RAD54L2: variants seen among roughly 807,000 people sequenced by gnomAD.
The protein encoded by RAD54L2 is RAD54 like 2.
A neutral mutation model predicts 138.4 loss-of-function variants in RAD54L2; 27 were observed. The ratio of observed to expected loss-of-function variants is 0.20; its 90% CI spans 0.14 to 0.27. The LOEUF (loss-of-function observed/expected upper bound fraction) is 0.27, where lower values mean the gene tolerates loss of function less well. Among genes scored for constraint, RAD54L2 ranks in the 10% least tolerant of loss-of-function variants. RAD54L2 has a pLI of 1.00. For synonymous variants in RAD54L2, 644 were observed against 723.2 expected (o/e 0.89, Z 1.76); for missense variants, 1,396 against 1,890.2 (o/e 0.74, Z 4.85).
At chr3:51,577,182 T>C (rs1699499691) in intron 2 of RAD54L2, among the ~76,000 whole-genome samples, 1 of 152,246 alleles carries the variant, frequency 6.6e-6, no homozygotes, top group South Asian at 2.1e-4. Flanking sequence ...TCCTGAGTTC[T>C]AATTTGATTG....
intron 16 of RAD54L2, 78 bp downstream of exon 16, chr3:51,644,052 A>C: frequency 9.6e-6 from 11 of 1,145,686 alleles, no homozygotes; most frequent in Non-Finnish European, 1.4e-5. Context: ...CCAAAACTCC[A>C]AGTTCCCTCA....
chr3:51,642,975 C>G (rs1577453764), intron 15 of RAD54L2, among the ~76,000 whole-genome samples: 1 of 151,542 alleles, frequency 6.6e-6, no homozygotes, highest in African/African-American at 2.4e-5. Flanking sequence ...CTTAGCTTTA[C>G]CATTTACTCA....
rs561231744 is a variant in RAD54L2 at position 51,635,365 on chromosome 3, A to G, written c.1143-228A>G. ...GTTTCTTGCTGTTTAACCACCATCA[A>G]TGATCCAGTTCATCCTGAGTGCAAT... On this transcript the variant is annotated intron_variant, in intron 9 of 22. Coordinates refer to ENST00000684192, the MANE Select transcript of RAD54L2 (RefSeq NM_015106.4). Among the ~76,000 whole-genome samples the G allele has an allele frequency of 5.3e-5, 8 of 152,320 alleles. No individual in the cohort carries two copies. The South Asian group carries it at 1.7e-3, about 32-fold the overall frequency.
chr3:51,628,115 ATCT>A (rs1296068937), intron 4 of RAD54L2, among the ~76,000 whole-genome samples: 1 of 152,168 alleles, frequency 6.6e-6, no homozygotes, highest in Non-Finnish European at 1.5e-5. Flanking sequence ...TTGAGTTCTC[ATCT>A]TCTTAGACGT....
rs528291614 is a variant in RAD54L2, at chr3:51,654,915, A to G, written c.3027-1056A>G. Reference sequence around the variant, plus strand: ...TTCTTAGTCTTAGCCCCTGCAGGGTATGCGGCTTGGGCTGGGTTTCTGTTA... The same window carrying G: ...TTCTTAGTCTTAGCCCCTGCAGGGTGTGCGGCTTGGGCTGGGTTTCTGTTA... On this transcript the variant is annotated intron_variant, in intron 19 of 22. Coordinates refer to ENST00000684192, the MANE Select transcript of RAD54L2 (RefSeq NM_015106.4). Among the ~76,000 whole-genome samples the G allele has an allele frequency of 3.3e-5, 5 of 152,276 alleles. No individual in the cohort carries two copies. In the East Asian group the frequency reaches 5.8e-4, roughly 18 times the overall value.
intron 3 of RAD54L2, chr3:51,611,411 A>G (rs977855681): frequency 6.6e-6 from 1 of 152,150 alleles, no homozygotes; most frequent in South Asian, 2.1e-4. Context: ...TTATGTTGCA[A>G]ACAATCCAAC....
intron 2 of RAD54L2, among the ~76,000 whole-genome samples, chr3:51,578,133 C>T (rs1174721856): frequency 2.0e-5 from 3 of 148,686 alleles, no homozygotes; most frequent in African/African-American, 7.5e-5. Flanking sequence ...TTTTCCCCCA[C>T]ACTCCCCCCC....
At chr3:51,610,530 C>T (rs1421718942) in intron 3 of RAD54L2, among the ~76,000 whole-genome samples, 3 of 150,148 alleles carry the variant, frequency 2.0e-5, no homozygotes, top group African/African-American at 7.4e-5. Context: ...ACCTGGGAGG[C>T]AGAGGTTGCA....
intron 7 of RAD54L2, among the ~76,000 whole-genome samples, chr3:51,631,648 ACT>A (rs1280534090): frequency 1.4e-5 from 2 of 145,920 alleles, no homozygotes; most frequent in African/African-American, 5.1e-5. Context: ...CTGGCTGAAA[ACT>A]CTTTGTTTTT....
rs1490567803 is a variant in RAD54L2 at position 51,666,714 on chromosome 3, C to A, written c.*3294C>A. On this transcript the variant is annotated 3_prime_UTR_variant, in exon 23 of 23. Coordinates refer to ENST00000684192, the MANE Select transcript of RAD54L2 (RefSeq NM_015106.4). ...TCTTTAGATTGGATATCTATGAAGTCCACACCCCTTTGAGTTATGCTTTTT... is the reference window on the plus strand; with the variant it reads ...TCTTTAGATTGGATATCTATGAAGTACACACCCCTTTGAGTTATGCTTTTT... 1 of 152,166 alleles carries A rather than the reference C, an allele frequency of 6.6e-6. No homozygotes were observed. The highest frequency in any genetic ancestry group is 1.9e-4 in the East Asian group (1 of 5,196). 9.4% of individuals were successfully genotyped at this position (152,166 alleles called of 1,614,324 possible). A position where few individuals can be genotyped will look rare whatever the true frequency, so the allele number is the denominator to read the frequency against.
chr3:51,652,460 G>A (rs763617819), intron 19 of RAD54L2, among the ~76,000 whole-genome samples: 47 of 152,272 alleles, frequency 3.1e-4, no homozygotes, highest in Non-Finnish European at 5.7e-4. Context: ...AAAAGAGCCT[G>A]CATTGCCAAG....
chr3:51,574,535 A>T (rs1416151195), intron 2 of RAD54L2, among the ~76,000 whole-genome samples: 1 of 152,192 alleles, frequency 6.6e-6, no homozygotes, highest in Non-Finnish European at 1.5e-5. Context: ...AATGATCGCC[A>T]TTCTAACTGG....
intron 20 of RAD54L2, 30 bp from the exon 21 acceptor site, chr3:51,657,550 A>G (rs1701635614): frequency 7.0e-7 from 1 of 1,430,582 alleles, no homozygotes; most frequent in Admixed American, 2.0e-5. Context: ...GCCCCGTGCA[A>G]TCTAAATTTA....
At chr3:51,587,861 A>G (rs1699742165) in intron 2 of RAD54L2, among the ~76,000 whole-genome samples, 1 of 152,152 alleles carries the variant, frequency 6.6e-6, no homozygotes, top group South Asian at 2.1e-4. Context: ...GGAGATAGGA[A>G]TTTGAGGATG....
At chr3:51,613,129 A>T (rs1427510256) in intron 3 of RAD54L2, among the ~76,000 whole-genome samples, 1 of 151,844 alleles carries the variant, frequency 6.6e-6, no homozygotes, top group African/African-American at 2.4e-5. Context: ...TTTAGTAGAG[A>T]TGGGGTTTCA....
chr3:51,552,824 T>C (rs79399786), intron 2 of RAD54L2, among the ~76,000 whole-genome samples: 4,463 of 152,206 alleles, frequency 0.029, 91 homozygotes, highest in Non-Finnish European at 0.043. Flanking sequence ...CCTCCCCAAG[T>C]GTTGGGATTA....
intron 3 of RAD54L2, among the ~76,000 whole-genome samples, chr3:51,600,273 A>G (rs908582790): frequency 2.4e-4 from 37 of 152,072 alleles, no homozygotes; most frequent in African/African-American, 8.0e-4. Flanking sequence ...ACTCTTGTCT[A>G]TATAGCTTCA....
intron 3 of RAD54L2, among the ~76,000 whole-genome samples, chr3:51,604,631 T>C (rs1327833531): frequency 6.6e-6 from 1 of 152,184 alleles, no homozygotes; most frequent in Non-Finnish European, 1.5e-5. Context: ...CTCCTTAATA[T>C]AGTTGTTTGA....
At chr3:51,661,499 G>A (rs537513821) in intron 22 of RAD54L2, among the ~76,000 whole-genome samples, 1 of 152,286 alleles carries the variant, frequency 6.6e-6, no homozygotes, top group South Asian at 2.1e-4. Flanking sequence ...TATATCTATA[G>A]GATATGTTCC....
Sources: allele counts gnomAD v4.1 joint callset (sites outside exome capture counted in the v4.1 genomes callset), GRCh38; gene constraint gnomAD v4.1.1; transcripts MANE v1.5; gene names NCBI Gene and HGNC (gene_info 2026-07-23, HGNC 2026-07-21).